HPSE: variants seen among roughly 807,000 people sequenced by gnomAD.
HPSE encodes the protein endo-glucoronidase.
HPSE carries 48 observed loss-of-function variants against 65.1 expected under a neutral mutation model. That is an observed-to-expected ratio of 0.74 (90% confidence interval 0.58 to 0.94). The LOEUF (loss-of-function observed/expected upper bound fraction) is 0.94. Ranked by LOEUF, HPSE falls within the 40% of genes least tolerant of loss-of-function variation. The pLI is 0.00. For missense variants in HPSE, 644 were observed against 637.5 expected, an observed-to-expected ratio of 1.01 and a Z score of -0.11; for synonymous variants, 243 against 260.0, an observed-to-expected ratio of 0.93 and a Z score of 0.63.
chr4:83,329,599 C>T (rs1365797974), intron 1 of HPSE, among the ~76,000 whole-genome samples: 1 of 152,134 alleles, frequency 6.6e-6, no homozygotes, highest in Non-Finnish European at 1.5e-5. Context: ...TGCCAATTTC[C>T]ATGGTAAATA....
intron 4 of HPSE, among the ~76,000 whole-genome samples, chr4:83,311,724 T>C (rs1422474435): frequency 6.7e-6 from 1 of 149,346 alleles, no homozygotes; most frequent in Non-Finnish European, 1.5e-5. Context: ...GGAGGTTACA[T>C]TGAGCTATGA....
chr4:83,315,150 C>T (rs1302318151), intron 3 of HPSE, among the ~76,000 whole-genome samples: 68 of 36,050 alleles, frequency 1.9e-3, no homozygotes, highest in Non-Finnish European at 5.4e-5. Flanking sequence ...AAGACTCTGT[C>T]TCAAAAAAAA....
chr4:83,329,960 G>A (rs1295719435), intron 1 of HPSE, among the ~76,000 whole-genome samples: 1 of 152,162 alleles, frequency 6.6e-6, no homozygotes, highest in African/African-American at 2.4e-5. Context: ...GGCATCACCC[G>A]TAATGCACAT....
chr4:83,319,836 G>A (rs1237402191), intron 2 of HPSE, among the ~76,000 whole-genome samples: 1 of 151,984 alleles, frequency 6.6e-6, no homozygotes, highest in Admixed American at 6.6e-5. Context: ...TGAGATGGGC[G>A]AATCACTTGA....
intron 11 of HPSE, among the ~76,000 whole-genome samples, chr4:83,298,454 T>C (rs1348737576): frequency 2.0e-5 from 3 of 151,560 alleles, no homozygotes; most frequent in African/African-American, 4.9e-5. Flanking sequence ...TTGGGCAATA[T>C]AGTGAGACCT....
At chr4:83,300,327 A>C (rs994652477) in intron 11 of HPSE, among the ~76,000 whole-genome samples, 1 of 152,234 alleles carries the variant, frequency 6.6e-6, no homozygotes, top group Non-Finnish European at 1.5e-5. Context: ...TTTGATAGCA[A>C]TTATATAAAG....
intron 5 of HPSE, among the ~76,000 whole-genome samples, chr4:83,310,280 T>C (rs1057091493): frequency 2.6e-5 from 4 of 152,162 alleles, no homozygotes; most frequent in Non-Finnish European, 5.9e-5. Flanking sequence ...CAAAATTTCC[T>C]TTTTTTGGTA....
At chr4:83,311,855 C>T (rs1736393018) in intron 4 of HPSE, among the ~76,000 whole-genome samples, 2 of 151,352 alleles carry the variant, frequency 1.3e-5, no homozygotes, top group African/African-American at 4.9e-5. Context: ...TTTCATTTCC[C>T]ATTTAATCCT....
At position 83,294,087 on chromosome 4, in the gene HPSE, G is replaced by A. The variant is rs931805070; in HGVS notation, c.*1257C>T. 1 of 151,838 alleles carries A rather than the reference G, an allele frequency of 6.6e-6. No individual in the cohort carries two copies. Among genetic ancestry groups the A allele is most frequent in the Non-Finnish European group, 1.5e-5 (1 of 68,014 alleles). 9.4% of individuals were successfully genotyped at this position (151,838 alleles called of 1,614,324 possible). A position where few individuals can be genotyped will look rare whatever the true frequency, so the allele number is the denominator to read the frequency against. On this transcript the variant is annotated 3_prime_UTR_variant, in exon 12 of 12. Coordinates refer to ENST00000311412, the MANE Select transcript of HPSE (RefSeq NM_001098540.3). ...TACATTTTTAATAACTTGTTTTTTT[G>A]AGATGGAATCTCTCTCTGTCACCCA...
chr4:83,319,390 T>C lies in HPSE; in HGVS notation c.453A>G (p.Leu151=). ...ACTTTTTCTGGTAGTGTTCTCGGAGTAGCAATTGCTCCTGGTAGGGCCATT... is the reference window on the plus strand; with the variant it reads ...ACTTTTTCTGGTAGTGTTCTCGGAGCAGCAATTGCTCCTGGTAGGGCCATT... ...RLEWPYQEQL[L]LREHYQKKFK... The change falls in exon 3 of 12, where the codon CTA becomes CTG. Residue 151 remains leucine (L), a synonymous_variant. Transcript: ENST00000311412. 1.2e-6 allele frequency: 2 copies of C among 1,613,890 alleles called. No homozygotes were observed. Among genetic ancestry groups the C allele is most frequent in the Non-Finnish European group, 1.7e-6 (2 of 1,179,850 alleles).
intron 6 of HPSE, 27 bp downstream of exon 6, chr4:83,310,004 A>T: frequency 6.5e-7 from 1 of 1,529,820 alleles, no homozygotes; most frequent in Non-Finnish European, 9.0e-7. Context: ...TTACTTTCCT[A>T]GTATTAAGAA....
chr4:83,307,130 C>T (rs531661587), intron 8 of HPSE, among the ~76,000 whole-genome samples: 9 of 152,328 alleles, frequency 5.9e-5, no homozygotes, highest in African/African-American at 1.2e-4. Flanking sequence ...CTCTGATCCT[C>T]GAATGTTCGG....
At chr4:83,308,094 G>C (rs532330124) in intron 8 of HPSE, among the ~76,000 whole-genome samples, 345 of 78,946 alleles carry the variant, frequency 4.4e-3, no homozygotes, top group African/African-American at 0.015. Context: ...GCTCTAACTT[G>C]CATTTTTTTT....
chr4:83,310,964 A>C (rs1736345475), intron 4 of HPSE, 74 bp from the exon 5 acceptor site: 1 of 1,198,728 alleles, frequency 8.3e-7, no homozygotes, highest in Non-Finnish European at 1.2e-6. Flanking sequence ...CAGTATTTAA[A>C]AGCAACAAAA....
At chr4:83,330,418 C>T (rs1737318536) in intron 1 of HPSE, among the ~76,000 whole-genome samples, 1 of 152,204 alleles carries the variant, frequency 6.6e-6, no homozygotes, top group Non-Finnish European at 1.5e-5. Context: ...CAGCACTTCC[C>T]AGGAGTTAGG....
At chr4:83,300,095 G>A (rs995887664) in intron 11 of HPSE, among the ~76,000 whole-genome samples, 40 of 152,282 alleles carry the variant, frequency 2.6e-4, no homozygotes, top group African/African-American at 9.1e-4. Context: ...ATATTTATAT[G>A]CCTAACTCTT....
chr4:83,316,640 CAA>C (rs1297995291), intron 3 of HPSE, among the ~76,000 whole-genome samples: 10 of 152,174 alleles, frequency 6.6e-5, no homozygotes, highest in African/African-American at 2.2e-4. Flanking sequence ...AGAGGAAGTA[CAA>C]AGAGTTAGCT....
intron 11 of HPSE, among the ~76,000 whole-genome samples, chr4:83,300,061 C>A (rs1445416505): frequency 6.6e-6 from 1 of 152,170 alleles, no homozygotes; most frequent in East Asian, 1.9e-4. Context: ...CTCCTTCCAA[C>A]ATACATTGAA....
chr4:83,304,570 G>T (rs1202100752), intron 9 of HPSE, among the ~76,000 whole-genome samples: 1 of 150,384 alleles, frequency 6.6e-6, no homozygotes, highest in Non-Finnish European at 1.5e-5. Context: ...GGTTCATGCT[G>T]TAATCCCAAC....
Sources: allele counts gnomAD v4.1 joint callset (sites outside exome capture counted in the v4.1 genomes callset), GRCh38; gene constraint gnomAD v4.1.1; transcripts MANE v1.5; gene names NCBI Gene and HGNC (gene_info 2026-07-23, HGNC 2026-07-21).